Variants in CADM2 observed in about 807,000 individuals in gnomAD.
CADM2 encodes cell adhesion molecule 2.
Under a neutral mutation model 49.8 loss-of-function variants are expected in CADM2, and 12 were observed. The observed-to-expected ratio is 0.24, with a 90% CI of 0.15 to 0.39. CADM2 has a LOEUF of 0.39. CADM2 is among the 10% of genes least tolerant of loss of function. CADM2 has a pLI of 1.00. For synonymous variants in CADM2, 214 were observed against 175.4 expected, an observed-to-expected ratio of 1.22 and a Z score of -1.74; for missense variants, 378 against 492.3, an observed-to-expected ratio of 0.77 and a Z score of 2.20.
chr3:85,841,061 A>G (rs1170141808), intron 3 of CADM2, among the ~76,000 whole-genome samples: 1 of 151,830 alleles, frequency 6.6e-6, no homozygotes, highest in East Asian at 1.9e-4. Flanking sequence ...ATAATAATCA[A>G]TATTACAGAA....
chr3:85,333,493 T>C (rs2044992973), intron 1 of CADM2, among the ~76,000 whole-genome samples: 2 of 151,808 alleles, frequency 1.3e-5, no homozygotes, highest in African/African-American at 4.8e-5. Context: ...GGTAATTGTG[T>C]ATCTAACTGA....
intron 2 of CADM2, among the ~76,000 whole-genome samples, chr3:85,788,764 T>G (rs2071156400): frequency 6.6e-6 from 1 of 152,012 alleles, no homozygotes; most frequent in African/African-American, 2.4e-5. Flanking sequence ...ACTTTCCTTA[T>G]AATCTTTATC....
chr3:85,337,377 A>G (rs1020262641), intron 1 of CADM2, among the ~76,000 whole-genome samples: 3 of 151,464 alleles, frequency 2.0e-5, no homozygotes, highest in Non-Finnish European at 4.4e-5. Context: ...GTCTCAAGGA[A>G]CAGCTTTGTG....
intron 5 of CADM2, among the ~76,000 whole-genome samples, chr3:85,889,548 T>C (rs565858985): frequency 1.8e-3 from 276 of 152,306 alleles, no homozygotes; most frequent in African/African-American, 5.8e-3. Context: ...CAGTAAACTA[T>C]ACAGAAGTCC....
intron 1 of CADM2, among the ~76,000 whole-genome samples, chr3:85,156,489 T>A (rs894724476): frequency 8.5e-5 from 13 of 152,104 alleles, no homozygotes; most frequent in Non-Finnish European, 1.5e-4. Context: ...ATCAATAGCT[T>A]ACCAACCAAA....
chr3:85,350,545 C>T (rs2031240602), intron 1 of CADM2, among the ~76,000 whole-genome samples: 1 of 152,114 alleles, frequency 6.6e-6, no homozygotes, highest in Non-Finnish European at 1.5e-5. Context: ...AATATATCAT[C>T]ACTTATCCAA....
At chr3:86,052,431 G>T (rs1737457899) in intron 8 of CADM2, among the ~76,000 whole-genome samples, 1 of 152,126 alleles carries the variant, frequency 6.6e-6, no homozygotes, top group Non-Finnish European at 1.5e-5. Flanking sequence ...CTTCAGCACA[G>T]TTGAAATGAC....
chr3:85,159,455 T>C (rs1345404277), intron 1 of CADM2, among the ~76,000 whole-genome samples: 4 of 152,152 alleles, frequency 2.6e-5, no homozygotes, highest in African/African-American at 4.8e-5. Flanking sequence ...CATCAGGATG[T>C]GGAAACTGTA....
intron 1 of CADM2, among the ~76,000 whole-genome samples, chr3:85,363,767 G>T (rs959322562): frequency 1.3e-5 from 2 of 151,970 alleles, no homozygotes; most frequent in African/African-American, 4.8e-5. Context: ...GCCCGCCACC[G>T]CGCCCGGCTA....
intron 1 of CADM2, among the ~76,000 whole-genome samples, chr3:85,427,426 C>T (rs1203002303): frequency 1.3e-5 from 2 of 151,744 alleles, no homozygotes; most frequent in African/African-American, 2.4e-5. Context: ...AGAGGTTAAG[C>T]GTCTAGGTTT....
chr3:85,076,555 C>A (rs1299048710), intron 1 of CADM2, among the ~76,000 whole-genome samples: 2 of 152,006 alleles, frequency 1.3e-5, no homozygotes, highest in African/African-American at 4.8e-5. Context: ...CCATGTTGGC[C>A]AGGCTGGTCT....
chr3:85,803,532 G>GATAGATAGATAT (rs2072202551), intron 3 of CADM2, among the ~76,000 whole-genome samples: 1 of 151,506 alleles, frequency 6.6e-6, no homozygotes, highest in African/African-American at 2.4e-5. Flanking sequence ...TAGATAGATA[G>GATAGATAGATAT]ATCAATTGAT....
chr3:86,008,347 A>G (rs965984202), intron 8 of CADM2, among the ~76,000 whole-genome samples: 4 of 152,130 alleles, frequency 2.6e-5, no homozygotes, highest in Non-Finnish European at 5.9e-5. Context: ...TCTTTAGGTC[A>G]TCTATATAGC....
intron 1 of CADM2, among the ~76,000 whole-genome samples, chr3:85,250,836 G>A (rs2042755739): frequency 6.6e-6 from 1 of 151,560 alleles, no homozygotes; most frequent in Non-Finnish European, 1.5e-5. Context: ...CATTGTATAG[G>A]AAGATGTTTA....
At chr3:85,093,095 C>T (rs138660666) in intron 1 of CADM2, among the ~76,000 whole-genome samples, 3 of 152,258 alleles carry the variant, frequency 2.0e-5, no homozygotes, top group African/African-American at 7.2e-5. Context: ...TGTCCTCGGA[C>T]AAAATTCATA....
At chr3:85,770,457 G>A (rs1050640597) in intron 2 of CADM2, among the ~76,000 whole-genome samples, 1 of 151,912 alleles carries the variant, frequency 6.6e-6, no homozygotes, top group African/African-American at 2.4e-5. Context: ...GAGACTAAAG[G>A]CATGCACTAC....
At chr3:84,972,578 C>CT (rs1456819082) in intron 1 of CADM2, among the ~76,000 whole-genome samples, 1 of 152,070 alleles carries the variant, frequency 6.6e-6, no homozygotes, top group Non-Finnish European at 1.5e-5. Context: ...AAATTGATTC[C>CT]TTTGTCATTT....
At chr3:85,404,758 A>G (rs1399455026) in intron 1 of CADM2, among the ~76,000 whole-genome samples, 2 of 151,562 alleles carry the variant, frequency 1.3e-5, no homozygotes, top group Admixed American at 1.3e-4. Context: ...TTACTAATGC[A>G]ATATTTATAA....
intron 1 of CADM2, among the ~76,000 whole-genome samples, chr3:85,405,705 T>G (rs2107453343): frequency 6.6e-6 from 1 of 152,182 alleles, no homozygotes; most frequent in East Asian, 1.9e-4. Context: ...TCCTAGTTTT[T>G]TTTTAAATTT....
Sources: gnomAD v4.1 joint callset for allele counts (sites outside exome capture counted in the v4.1 genomes callset) on GRCh38, gnomAD v4.1.1 for gene constraint, MANE v1.5 for transcripts, NCBI Gene and HGNC (gene_info 2026-07-23, HGNC 2026-07-21) for gene names.